Variants in GALNT18 observed in about 807,000 individuals in gnomAD.
GALNT18 encodes the protein polypeptide N-acetylgalactosaminyltransferase 18.
GALNT18 carries 44 observed loss-of-function variants against 69.5 expected under a neutral mutation model. The ratio of observed to expected loss-of-function variants is 0.63; its 90% CI spans 0.50 to 0.81. The LOEUF (loss-of-function observed/expected upper bound fraction) is 0.81, where lower values mean the gene tolerates loss of function less well. Among genes scored for constraint, GALNT18 ranks in the 40% least tolerant of loss-of-function variants. GALNT18 has a pLI of 0.00. For synonymous variants in GALNT18, 364 were observed against 318.2 expected (o/e 1.14, Z -1.53); for missense variants, 715 against 810.0 (o/e 0.88, Z 1.42).
At chr11:11,272,193 C>T (rs1848841901) in intron 10 of GALNT18, among the ~76,000 whole-genome samples, 1 of 152,206 alleles carries the variant, frequency 6.6e-6, no homozygotes, top group Admixed American at 6.5e-5. Flanking sequence ...ATTTCTGTCT[C>T]AGGTATTTGT....
intron 1 of GALNT18, among the ~76,000 whole-genome samples, chr11:11,478,111 GA>G (rs1346372893): frequency 6.6e-6 from 1 of 152,172 alleles, no homozygotes; most frequent in Non-Finnish European, 1.5e-5. Flanking sequence ...AGGATATAAG[GA>G]AGATTCTAAG....
rs1859163379 is a variant in GALNT18, at chr11:11,584,300, AAAAT to A, written c.235+37055_235+37058del. Among the ~76,000 whole-genome samples the A allele has an allele frequency of 6.6e-6, 1 of 152,202 alleles. No individual in the cohort carries two copies. Among genetic ancestry groups the A allele is most frequent in the African/African-American group, 2.4e-5 (1 of 41,450 alleles). ...TGGAAGTTATGTCCAGGGAAGAAGA[AAAAT>A]AAATAAATAACACCTTGCAAACACA... On this transcript the variant is annotated intron_variant, in intron 1 of 10. Coordinates refer to ENST00000227756, the MANE Select transcript of GALNT18 (RefSeq NM_198516.3). The surrounding 1 kb of genome is among the most constrained non-coding windows in gnomAD (Gnocchi z 4.1).
chr11:11,349,654 G>C (rs1275495336), intron 6 of GALNT18, among the ~76,000 whole-genome samples: 3 of 152,042 alleles, frequency 2.0e-5, no homozygotes, highest in Non-Finnish European at 4.4e-5. Context: ...GCACATGAGC[G>C]GTGCTCAAAA....
Position 11,379,085 on chromosome 11 carries a change from C to T in GALNT18, c.775G>A (p.Gly259Ser). 3 of 1,598,248 alleles carry T rather than the reference C, an allele frequency of 1.9e-6. No individual in the cohort carries two copies. The highest frequency in any genetic ancestry group is 2.6e-6 in the Non-Finnish European group (3 of 1,175,662). The stretch of plus-strand genomic sequence containing the variant: ...CCTCTCCCAAGGGGCACTTACCAGC[C>T]CACATTGAACTCCACGTGGGCATCA... ...LFDAHVEFNV[G>S]WAEPVLTRIK... is the part of the protein sequence containing the mutation. The change falls in exon 4 of 11, where the codon GGC (glycine) becomes AGC (serine). Residue 259 changes from glycine (G) to serine (S), a missense_variant. Physicochemically the swap from Gly to Ser is moderately conservative, Grantham distance 56. Transcript: ENST00000227756.
intron 1 of GALNT18, among the ~76,000 whole-genome samples, chr11:11,506,021 C>T (rs1041178138): frequency 6.6e-6 from 1 of 152,210 alleles, no homozygotes; most frequent in Non-Finnish European, 1.5e-5. Context: ...TTCCTGCAGT[C>T]ACCCTGCAGC....
intron 2 of GALNT18, among the ~76,000 whole-genome samples, chr11:11,437,059 G>A (rs1042901316): frequency 1.3e-5 from 2 of 152,030 alleles, no homozygotes; most frequent in Non-Finnish European, 2.9e-5. Context: ...CTGCCTACTC[G>A]CCCAGAGCCT....
intron 1 of GALNT18, among the ~76,000 whole-genome samples, chr11:11,574,347 A>G (rs1406585682): frequency 6.6e-6 from 1 of 152,156 alleles, no homozygotes; most frequent in East Asian, 1.9e-4. Context: ...TGCTCCCTAG[A>G]CTGGGGGAGT....
At chr11:11,379,352 C>T in intron 3 of GALNT18, 88 bp from the exon 4 acceptor site, 1 of 1,328,014 alleles carries the variant, frequency 7.5e-7, no homozygotes, top group Non-Finnish European at 1.0e-6. Flanking sequence ...TAGTGATGAC[C>T]CCCAGAGAAA....
rs75619826 is a variant in GALNT18, at chr11:11,601,198, C to A, written c.235+20161G>T. Among the ~76,000 whole-genome samples, 1,770 of 152,220 alleles carry A rather than the reference C, an allele frequency of 0.012. 41 individuals are homozygous for A. The highest frequency in any genetic ancestry group is 0.041 in the African/African-American group (1,692 of 41,526). On this transcript the variant is annotated intron_variant, in intron 1 of 10. Coordinates refer to ENST00000227756, the MANE Select transcript of GALNT18 (RefSeq NM_198516.3). This position sits in a 1 kb window ranked among gnomAD's most constrained non-coding sequence, Gnocchi z 4.0. ...TGTCTCTTAAATTTCTGTTGAAAAC[C>A]AGACATTTTAGATACTATATTTTAG... is the stretch of plus-strand genomic sequence containing the variant.
At chr11:11,327,430 T>G (rs1849942963) in intron 8 of GALNT18, among the ~76,000 whole-genome samples, 3 of 152,236 alleles carry the variant, frequency 2.0e-5, no homozygotes, top group Admixed American at 1.3e-4. Context: ...ACAGGAGATG[T>G]GCATGCGTGT....
chr11:11,398,721 G>A (rs1234257896), intron 3 of GALNT18, among the ~76,000 whole-genome samples: 2 of 152,168 alleles, frequency 1.3e-5, no homozygotes, highest in African/African-American at 4.8e-5. Flanking sequence ...GAAAAGGTTG[G>A]AAAACCAGAT....
Position 11,621,375 on chromosome 11 carries a change from G to T in GALNT18, c.219C>A (p.Ile73=). 6.2e-7 allele frequency: 1 copy of T among 1,613,922 alleles called. No homozygotes were observed. Among genetic ancestry groups the T allele is most frequent in the Non-Finnish European group, 8.5e-7 (1 of 1,179,934 alleles). ...IERLDHLENV[I]KQHIQEAPAK... ...CGCCCGTACCTTGAATGTGCTGCTT[G>T]ATGACATTCTCCAGGTGGTCCAGCC... The change falls in exon 1 of 11, where the codon ATC becomes ATA. Residue 73 remains isoleucine, a synonymous_variant. Transcript: ENST00000227756. The surrounding 1 kb of genome is among the most constrained non-coding windows in gnomAD (Gnocchi z 9.3).
rs565820233 is a variant in GALNT18 at position 11,618,033 on chromosome 11, T to A, written c.235+3326A>T. 6.6e-6 allele frequency among the ~76,000 whole-genome samples: 1 copy of A among 152,316 alleles called. No homozygotes were observed. Among genetic ancestry groups the A allele is most frequent in the East Asian group, 1.9e-4 (1 of 5,184 alleles). ...TCCCAAGAGATTCCCAAACACCATC[T>A]AATTAAATCATTCAATCAGAAAACA... On this transcript the variant is annotated intron_variant, in intron 1 of 10. Coordinates refer to ENST00000227756, the MANE Select transcript of GALNT18 (RefSeq NM_198516.3). The surrounding 1 kb of genome is among the most constrained non-coding windows in gnomAD (Gnocchi z 6.1).
chr11:11,425,710 C>T (rs1057199901), intron 3 of GALNT18, among the ~76,000 whole-genome samples: 3 of 152,190 alleles, frequency 2.0e-5, no homozygotes, highest in East Asian at 3.9e-4. Context: ...AAAGAGTTCA[C>T]GTTCACTGGG....
intron 2 of GALNT18, among the ~76,000 whole-genome samples, chr11:11,448,436 A>G (rs1451464651): frequency 1.3e-5 from 2 of 152,232 alleles, no homozygotes; most frequent in Non-Finnish European, 2.9e-5. Flanking sequence ...AAATGCAACT[A>G]ATTGGGTTAA....
Position 11,469,828 on chromosome 11 carries a change from T to A in GALNT18, c.236-20892A>T, listed in dbSNP as rs1200045617. On this transcript the variant is annotated intron_variant, in intron 1 of 10. Transcript: ENST00000227756. The surrounding 1 kb of genome is among the most constrained non-coding windows in gnomAD (Gnocchi z 4.2). ...GGTGGCAGTTAGACATGGGGCCTTT[T>A]CCAAGGACCCCCTCAGCCTGTCTTC... is the stretch of plus-strand genomic sequence containing the variant. Among the ~76,000 whole-genome samples the A allele has an allele frequency of 6.6e-6, 1 of 152,152 alleles. No homozygotes were observed. Among genetic ancestry groups the A allele is most frequent in the Non-Finnish European group, 1.5e-5 (1 of 68,030 alleles).
At chr11:11,609,628 C>T (rs1219846803) in intron 1 of GALNT18, among the ~76,000 whole-genome samples, 1 of 152,196 alleles carries the variant, frequency 6.6e-6, no homozygotes. Flanking sequence ...GTCAAACTTC[C>T]AGCCAACACT....
rs1590082569 is a variant in GALNT18, at chr11:11,538,739, A to C, written c.235+82620T>G. Among the ~76,000 whole-genome samples, 1 of 152,112 alleles carries C rather than the reference A, an allele frequency of 6.6e-6. No individual in the cohort carries two copies. Among genetic ancestry groups the C allele is most frequent in the East Asian group, 1.9e-4 (1 of 5,158 alleles). On this transcript the variant is annotated intron_variant, in intron 1 of 10. Transcript: ENST00000227756. The surrounding 1 kb of genome is among the most constrained non-coding windows in gnomAD (Gnocchi z 5.2). ...CCTCACTGGGCCTTTGGAAGGATTA[A>C]GTGAGGCGCCATCTGGGAAGCACCT...
At chr11:11,548,745 CA>C (rs1858124159) in intron 1 of GALNT18, among the ~76,000 whole-genome samples, 1 of 152,228 alleles carries the variant, frequency 6.6e-6, no homozygotes, top group South Asian at 2.1e-4. Context: ...TCCACTTTTG[CA>C]GGCTAAAAGT....
Sources: gnomAD v4.1 joint callset for allele counts (sites outside exome capture counted in the v4.1 genomes callset) on GRCh38, gnomAD v4.1.1 for gene constraint, Gnocchi (gnomAD v3.1) non-coding constraint, MANE v1.5 for transcripts, NCBI Gene and HGNC (gene_info 2026-07-23, HGNC 2026-07-21) for gene names.